Variants in FHOD1 observed in about 807,000 individuals in gnomAD.
FHOD1 encodes the protein FH1/FH2 domain-containing protein 1.
In FHOD1, 89 loss-of-function variants were observed where a neutral mutation model predicts 111.6. The observed-to-expected ratio is 0.80, with a 90% CI of 0.67 to 0.95. The LOEUF (loss-of-function observed/expected upper bound fraction) is 0.95, where lower values mean the gene tolerates loss of function less well. Among genes scored for constraint, FHOD1 ranks in the 40% least tolerant of loss-of-function variants. FHOD1 has a pLI of 0.00. For missense variants in FHOD1, 1,446 were observed against 1,554.2 expected (o/e 0.93, Z 1.17); for synonymous variants, 618 against 639.0 (o/e 0.97, Z 0.50).
At chr16:67,236,807 CG>C (rs1266286918) in intron 10 of FHOD1, 74 bp from the exon 11 acceptor site, 72 of 72,166 alleles carry the variant, frequency 1.0e-3, no homozygotes, top group Middle Eastern at 6.3e-3. Flanking sequence ...GTGGGGCCTG[CG>C]GGGCGGGAGG....
intron 1 of FHOD1, among the ~76,000 whole-genome samples, chr16:67,244,203 C>A (rs1172043447): frequency 6.6e-6 from 1 of 152,126 alleles, no homozygotes; most frequent in Non-Finnish European, 1.5e-5. Context: ...CCCCAGATCC[C>A]CCTACCCGGA....
At position 67,237,374 on chromosome 16, in the gene FHOD1, C is replaced by A. The variant is rs752207424; in HGVS notation, c.858G>T (p.Ala286=). The part of the protein sequence containing the change: ...YTVTLINKTL[A]ALPDQDSFYD... ...AGAAGGAGTCCTGGTCCGGGAGCGC[C>A]GCCAGCGTCTGGAGGGCGGGGATAA... The change falls in exon 9 of 22, where the codon GCG becomes GCT. Residue 286 remains alanine, a synonymous_variant. Coordinates refer to ENST00000258201, the MANE Select transcript of FHOD1 (RefSeq NM_013241.3). This position sits in a 1 kb window ranked among gnomAD's most constrained non-coding sequence, Gnocchi z 5.6. The A allele has an allele frequency of 1.2e-6, 2 of 1,613,872 alleles. No individual in the cohort carries two copies. The highest frequency in any genetic ancestry group is 3.3e-5 in the Admixed American group (2 of 60,018).
At position 67,231,678 on chromosome 16, in the gene FHOD1, G is replaced by T; in HGVS notation, c.2344C>A (p.Gln782Lys). 6.2e-7 allele frequency: 1 copy of T among 1,614,190 alleles called. No individual in the cohort carries two copies. Among genetic ancestry groups the T allele is most frequent in the Non-Finnish European group, 8.5e-7 (1 of 1,180,044 alleles). ...TAGTCCAGCTTGAAGGCCCAGAGTT[G>T]TAGACGAGCAGCGAGGCCGCCAATG... is the stretch of plus-strand genomic sequence containing the variant. The part of the protein sequence containing the change: ...ASIGGLAARL[Q>K]LWAFKLDYDS... The change falls in exon 15 of 22, where the codon CAA (glutamine) becomes AAA (lysine). Residue 782 changes from glutamine (Q) to lysine (K), a missense_variant. By Grantham distance (53) the Gln-to-Lys change is moderately conservative (BLOSUM62 1). Around this residue, in one of 3 missense-constraint regions of FHOD1, gnomAD observed 1,085 missense variants for 1,108.8 expected, o/e 0.98. Transcript: ENST00000258201. This position sits in a 1 kb window ranked among gnomAD's most constrained non-coding sequence, Gnocchi z 4.3.
chr16:67,231,658 C>G lies in FHOD1; in HGVS notation c.2364G>C (p.Leu788=). The change falls in exon 15 of 22, where the codon CTG becomes CTC. Residue 788 remains leucine (L), a synonymous_variant. Transcript: ENST00000258201. This position sits in a 1 kb window ranked among gnomAD's most constrained non-coding sequence, Gnocchi z 4.3. ...AARLQLWAFK[L]DYDSMEREIA... The stretch of plus-strand genomic sequence containing the variant: ...GTACCCGCTCCATGCTGTCATAGTC[C>G]AGCTTGAAGGCCCAGAGTTGTAGAC... 1 of 1,614,192 alleles carries G rather than the reference C, an allele frequency of 6.2e-7. No homozygotes were observed. The highest frequency in any genetic ancestry group is 1.6e-4 in the Middle Eastern group (1 of 6,062).
At chr16:67,243,832 G>T (rs2034733858) in intron 1 of FHOD1, among the ~76,000 whole-genome samples, 1 of 152,298 alleles carries the variant, frequency 6.6e-6, no homozygotes, top group East Asian at 1.9e-4. Context: ...TAGGATAATA[G>T]TATCTACCTC....
chr16:67,235,257 C>T (rs1232530254), intron 11 of FHOD1, among the ~76,000 whole-genome samples: 4 of 152,076 alleles, frequency 2.6e-5, no homozygotes, highest in Non-Finnish European at 4.4e-5. Context: ...AGGCCAGGTG[C>T]GGTGGCTCAC....
At position 67,230,244 on chromosome 16, in the gene FHOD1, G is replaced by C. The variant is rs770216033; in HGVS notation, c.3052-16C>G. 1.9e-6 allele frequency: 3 copies of C among 1,613,670 alleles called. No individual in the cohort carries two copies. Among genetic ancestry groups the C allele is most frequent in the Non-Finnish European group, 2.5e-6 (3 of 1,179,784 alleles). On this transcript the variant is annotated splice_polypyrimidine_tract_variant and intron_variant, in intron 19 of 21. Transcript: ENST00000258201. Reference sequence around the variant, plus strand: ...ACTTCTCTGTCTGGAGAAAGAAGAAGGGTGAGCTGGGAGGAGCGAAGGAAA... The same window carrying C: ...ACTTCTCTGTCTGGAGAAAGAAGAACGGTGAGCTGGGAGGAGCGAAGGAAA...
Position 67,231,990 on chromosome 16 carries a change from AAGG to A in FHOD1, c.2202+46_2202+48del, listed in dbSNP as rs774413028. Reference sequence around the variant, plus strand: ...AGGGACAGGAAATGCCCACCTACCAAAGGAGAAGGCCAGACCTCCCCCCAACAC... The same window carrying A: ...AGGGACAGGAAATGCCCACCTACCAAAGAAGGCCAGACCTCCCCCCAACAC... On this transcript the variant is annotated intron_variant, in intron 14 of 21. Coordinates refer to ENST00000258201, the MANE Select transcript of FHOD1 (RefSeq NM_013241.3). The surrounding 1 kb of genome is among the most constrained non-coding windows in gnomAD (Gnocchi z 4.3). 1.1e-5 allele frequency: 17 copies of A among 1,604,972 alleles called. No individual in the cohort carries two copies. Among genetic ancestry groups the A allele is most frequent in the Non-Finnish European group, 1.4e-5 (16 of 1,174,138 alleles).
chr16:67,236,397 TG>T (rs2034476007), intron 11 of FHOD1, 159 bp downstream of exon 11: 1 of 1,459,674 alleles, frequency 6.9e-7, no homozygotes, highest in Non-Finnish European at 9.0e-7. Context: ...CCCCACCCGC[TG>T]GCAGTCACTT....
Position 67,234,142 on chromosome 16 carries a change from G to A in FHOD1, c.1561C>T (p.Pro521Ser), listed in dbSNP as rs202036259. The change falls in exon 13 of 22, where the codon CCA (proline) becomes TCA (serine). Residue 521 changes from proline (P) to serine (S), a missense_variant. By Grantham distance (74) the Pro-to-Ser change is moderately conservative. This residue lies in a region of FHOD1 where 1,085 missense variants were observed against 1,108.8 expected (regional missense o/e 0.98). Coordinates refer to ENST00000258201, the MANE Select transcript of FHOD1 (RefSeq NM_013241.3). Reference sequence around the variant, plus strand: ...ATGGGCTCAGCCTTGGGGCTTGCTGGTATCAGTGGCTCCTTGGGCTCTGGT... The same window carrying A: ...ATGGGCTCAGCCTTGGGGCTTGCTGATATCAGTGGCTCCTTGGGCTCTGGT... ...LAPEPKEPLI[P>S]ASPKAEPIWE... is the part of the protein sequence containing the mutation. 7 of 1,566,744 alleles carry A rather than the reference G, an allele frequency of 4.5e-6. No individual in the cohort carries two copies. The East Asian group carries it at 1.6e-4, about 35-fold the overall frequency.
intron 11 of FHOD1, among the ~76,000 whole-genome samples, chr16:67,235,153 G>A (rs866494328): frequency 2.0e-5 from 3 of 152,294 alleles, no homozygotes; most frequent in East Asian, 3.9e-4. Flanking sequence ...GCAGGGGAAG[G>A]GGATAGCTGT....
chr16:67,242,927 T>C (rs1342661406), intron 1 of FHOD1, among the ~76,000 whole-genome samples: 2 of 151,428 alleles, frequency 1.3e-5, no homozygotes, highest in African/African-American at 4.8e-5. Flanking sequence ...CTATAATATA[T>C]AGATGTCTAT....
chr16:67,230,617 G>C lies in FHOD1; in HGVS notation c.2842C>G (p.Arg948Gly). The C allele has an allele frequency of 6.2e-7, 1 of 1,614,086 alleles. No individual in the cohort carries two copies. The highest frequency in any genetic ancestry group is 8.5e-7 in the Non-Finnish European group (1 of 1,179,970). The change falls in exon 18 of 22, where the codon CGC (arginine) becomes GGC (glycine). Residue 948 changes from arginine (R) to glycine (G), a missense_variant. By Grantham distance (125) the Arg-to-Gly change is moderately radical. Transcript: ENST00000258201. ...TGCCCCTACCTATTGCAGACACGGC[G>C]GTGCACTATCCTTAGCATGGCAACA... ...RRVAMLRIVH[R>G]RVCNRFHAFL...
chr16:67,237,915 T>G lies in FHOD1; in HGVS notation c.642+119A>C. 1 of 1,333,658 alleles carries G rather than the reference T, an allele frequency of 7.5e-7. No homozygotes were observed. The highest frequency in any genetic ancestry group is 1.1e-6 in the Non-Finnish European group (1 of 939,312). 82.6% of individuals were successfully genotyped at this position (1,333,658 alleles called of 1,614,324 possible). A position where few individuals can be genotyped will look rare whatever the true frequency, so the allele number is the denominator to read the frequency against. On this transcript the variant is annotated intron_variant, in intron 6 of 21. Transcript: ENST00000258201. This position sits in a 1 kb window ranked among gnomAD's most constrained non-coding sequence, Gnocchi z 5.6. ...CCCCAGGCCCAGGCACTGAAGTGCC[T>G]TATAGGCTTACAGAGGCCTCAGACT... is the stretch of plus-strand genomic sequence containing the variant.
At position 67,236,861 on chromosome 16, in the gene FHOD1, C is replaced by T. The variant is rs1244272245; in HGVS notation, c.1142+105G>A. 20 of 1,149,700 alleles carry T rather than the reference C, an allele frequency of 1.7e-5. No individual in the cohort carries two copies. In the South Asian group the frequency reaches 3.4e-4, roughly 19 times the overall value. The allele number at this position is 1,149,700 out of a possible 1,614,324, so 71.2% of individuals were successfully genotyped here. ...GCAGGCCCAGTGGAGGAGGTGGGGG[C>T]TGTCTGTGGGGCGGGGCCTGAGGGG... On this transcript the variant is annotated intron_variant, in intron 10 of 21. Coordinates refer to ENST00000258201, the MANE Select transcript of FHOD1 (RefSeq NM_013241.3).
chr16:67,234,454 A>G lies in FHOD1; in HGVS notation c.1338T>C (p.Asn446=), dbSNP rs371069606. The change falls in exon 12 of 22, where the codon AAT becomes AAC. Residue 446 remains asparagine (N), a synonymous_variant. Coordinates refer to ENST00000258201, the MANE Select transcript of FHOD1 (RefSeq NM_013241.3). The stretch of plus-strand genomic sequence containing the variant: ...GCTTCTCTGTTTCTGCTGCCGCCAC[A>G]TTCTCCAGGAACCGGGCTCTGAGGG... ...RSIYKARFLE[N]VAAAETEKQV... 2.5e-6 allele frequency: 4 copies of G among 1,599,300 alleles called. No homozygotes were observed. The highest frequency in any genetic ancestry group is 2.7e-5 in the African/African-American group (2 of 74,538).
intron 13 of FHOD1, 26 bp downstream of exon 13, chr16:67,233,631 G>C: frequency 6.4e-7 from 1 of 1,562,602 alleles, no homozygotes. Context: ...CTCCCTTGGG[G>C]CTACCTTGCA....
intron 13 of FHOD1, 62 bp downstream of exon 13, chr16:67,233,595 A>G: frequency 6.6e-7 from 1 of 1,513,122 alleles, no homozygotes; most frequent in Admixed American, 2.2e-5. Context: ...AACAGGTCAG[A>G]TCCTTAAGCT....
Position 67,233,728 on chromosome 16 carries a change from G to T in FHOD1, c.1975C>A (p.Pro659Thr). The T allele has an allele frequency of 6.2e-7, 1 of 1,613,152 alleles. No homozygotes were observed. Among genetic ancestry groups the T allele is most frequent in the Non-Finnish European group, 8.5e-7 (1 of 1,179,324 alleles). The change falls in exon 13 of 22, where the codon CCT becomes ACT. Residue 659 changes from proline to threonine, a missense_variant. Pro to Thr is a conservative substitution (Grantham distance 38, BLOSUM62 -1). Around this residue, in one of 3 missense-constraint regions of FHOD1, gnomAD observed 1,085 missense variants for 1,108.8 expected, o/e 0.98. Transcript: ENST00000258201. ...PCATLWASLD[P>T]VSVDTARLEH... ...AGTCGGGCCGTGTCCACTGAGACAG[G>T]GTCCAGTGAAGCCCAGAGGGTGGCG...
Sources: allele counts gnomAD v4.1 joint callset (sites outside exome capture counted in the v4.1 genomes callset), GRCh38; gene constraint gnomAD v4.1.1; regional missense constraint gnomAD v4.1.1; non-coding constraint Gnocchi (gnomAD v3.1); transcripts MANE v1.5; gene names NCBI Gene and HGNC (gene_info 2026-07-23, HGNC 2026-07-21).